Variants in USP22 observed in about 807,000 individuals in gnomAD.
USP22 encodes the protein ubiquitin specific peptidase 22.
USP22 carries 22 observed loss-of-function variants against 68.1 expected under a neutral mutation model. The observed-to-expected ratio is 0.32, with a 90% CI of 0.23 to 0.46. The LOEUF is 0.46. Among genes scored for constraint, USP22 ranks in the 20% least tolerant of loss-of-function variants. USP22 has a pLI of 1.00. For synonymous variants in USP22, 279 were observed against 274.2 expected (o/e 1.02, Z -0.17); for missense variants, 433 against 695.8 (o/e 0.62, Z 4.25).
chr17:21,019,594 T>C (rs1053895502), intron 3 of USP22, among the ~76,000 whole-genome samples: 4 of 152,216 alleles, frequency 2.6e-5, no homozygotes, highest in Admixed American at 6.5e-5. Flanking sequence ...CAAACTGAAA[T>C]AGCATAAACT....
At chr17:21,008,529 T>C (rs1384756679) in intron 8 of USP22, among the ~76,000 whole-genome samples, 1 of 152,214 alleles carries the variant, frequency 6.6e-6, no homozygotes, top group South Asian at 2.1e-4. Flanking sequence ...GGTTCCGTTA[T>C]ATCATTCAGT....
At chr17:21,024,547 C>T (rs1471631351) in intron 2 of USP22, among the ~76,000 whole-genome samples, 4 of 152,176 alleles carry the variant, frequency 2.6e-5, no homozygotes, top group Non-Finnish European at 5.9e-5. Flanking sequence ...TCGAATGGAT[C>T]AGAGACCTAA....
Position 21,020,922 on chromosome 17 carries a change from C to T in USP22, c.418+191G>A, listed in dbSNP as rs144113789. The stretch of plus-strand genomic sequence containing the variant: ...ACACGGGCAGCTATGCATGCCTCGA[C>T]ACTAGCCACCTCCCCTGTCATGCAG... On this transcript the variant is annotated intron_variant, in intron 3 of 12. Coordinates refer to ENST00000261497, the MANE Select transcript of USP22 (RefSeq NM_015276.2). Among the ~76,000 whole-genome samples, 893 of 152,286 alleles carry T rather than the reference C, an allele frequency of 5.9e-3. 10 individuals are homozygous for T. Among genetic ancestry groups the T allele is most frequent in the African/African-American group, 0.02 (831 of 41,536 alleles).
chr17:21,022,996 A>G lies in USP22; in HGVS notation c.305-1770T>C, dbSNP rs111637003. ...ATATACCATGGGATACCATGTATAC[A>G]TAAAATGAAATGAGATCATGTCGTT... On this transcript the variant is annotated intron_variant, in intron 2 of 12. Transcript: ENST00000261497. Among the ~76,000 whole-genome samples, 64 of 152,362 alleles carry G rather than the reference A, an allele frequency of 4.2e-4. 1 individual carries two copies. The highest frequency in any genetic ancestry group is 1.4e-3 in the African/African-American group (60 of 41,588).
intron 7 of USP22, among the ~76,000 whole-genome samples, chr17:21,012,223 G>A (rs942777205): frequency 7.2e-5 from 11 of 152,280 alleles, no homozygotes; most frequent in Admixed American, 4.6e-4. Context: ...ATGGGTTCAA[G>A]GCCAGCCTGG....
At chr17:21,010,389 T>A (rs1210621538) in intron 8 of USP22, among the ~76,000 whole-genome samples, 2 of 152,146 alleles carry the variant, frequency 1.3e-5, no homozygotes, top group African/African-American at 2.4e-5. Flanking sequence ...ACATTTTTTT[T>A]TAAAAATCAC....
intron 2 of USP22, among the ~76,000 whole-genome samples, chr17:21,024,969 G>C (rs1253127113): frequency 6.6e-6 from 1 of 151,982 alleles, no homozygotes; most frequent in Non-Finnish European, 1.5e-5. Context: ...ATAGTGTCTT[G>C]AAAAGAAAAA....
chr17:21,009,770 T>C (rs1209144746), intron 8 of USP22, among the ~76,000 whole-genome samples: 2 of 151,900 alleles, frequency 1.3e-5, no homozygotes, highest in African/African-American at 2.4e-5. Context: ...CCCTGGCCAA[T>C]GTGGCGAAAC....
intron 1 of USP22, among the ~76,000 whole-genome samples, chr17:21,034,166 G>A (rs1972326825): frequency 6.6e-6 from 1 of 152,030 alleles, no homozygotes; most frequent in Non-Finnish European, 1.5e-5. Context: ...TCAGCTTCCA[G>A]ACTCAGGCCC....
At chr17:21,027,451 T>C (rs1040000859) in intron 2 of USP22, among the ~76,000 whole-genome samples, 7 of 152,152 alleles carry the variant, frequency 4.6e-5, no homozygotes, top group African/African-American at 7.2e-5. Flanking sequence ...TAGGTCTTTC[T>C]AGGCTAATGT....
At chr17:21,041,503 C>G (rs1161248938) in intron 1 of USP22, among the ~76,000 whole-genome samples, 1 of 152,130 alleles carries the variant, frequency 6.6e-6, no homozygotes, top group East Asian at 1.9e-4. Flanking sequence ...GAGGCTGAGG[C>G]AGGAGAATCG....
rs1231347249 is a variant in USP22, at chr17:21,021,157, T to G, written c.374A>C (p.Glu125Ala). The G allele has an allele frequency of 6.2e-7, 1 of 1,614,196 alleles. No homozygotes were observed. The highest frequency in any genetic ancestry group is 1.7e-4 in the Middle Eastern group (1 of 6,060). ...CQDYIYDKDM[E>A]IIAKEEQRKA... ...TCGCTGCTCCTCCTTGGCGATTATT[T>G]CCATGTCTTTGTCATAGATGTAGTC... The change falls in exon 3 of 13, where the codon GAA (glutamate) becomes GCA (alanine). Residue 125 changes from glutamate (E) to alanine (A), a missense_variant. Physicochemically the swap from Glu to Ala is moderately radical, Grantham distance 107 (BLOSUM62 -1). This residue lies in a region of USP22 where 144 missense variants were observed against 237.2 expected (regional missense o/e 0.61). Coordinates refer to ENST00000261497, the MANE Select transcript of USP22 (RefSeq NM_015276.2).
At chr17:21,024,868 T>C (rs1817336216) in intron 2 of USP22, among the ~76,000 whole-genome samples, 1 of 152,088 alleles carries the variant, frequency 6.6e-6, no homozygotes, top group South Asian at 2.1e-4. Flanking sequence ...CTCAGGAGGC[T>C]GAGGTTGGGA....
intron 1 of USP22, among the ~76,000 whole-genome samples, 160 bp downstream of exon 1, chr17:21,042,505 A>G (rs1972451700): frequency 7.4e-6 from 1 of 135,874 alleles, no homozygotes; most frequent in Admixed American, 7.3e-5. Flanking sequence ...AAGGAGGGGG[A>G]AGGGGTAAAG....
At chr17:21,029,354 T>C (rs1567591859) in intron 1 of USP22, among the ~76,000 whole-genome samples, 1 of 152,232 alleles carries the variant, frequency 6.6e-6, no homozygotes, top group Non-Finnish European at 1.5e-5. Context: ...TTATTTATAC[T>C]GAGTTTTAAA....
At chr17:21,012,729 C>A in intron 7 of USP22, 101 bp downstream of exon 7, 1 of 1,092,656 alleles carries the variant, frequency 9.2e-7, no homozygotes, top group Non-Finnish European at 1.4e-6. Flanking sequence ...CTCATAGCCT[C>A]CTTAAAGACC....
At chr17:21,042,533 G>C (rs1458184961) in intron 1 of USP22, 132 bp downstream of exon 1, 2 of 861,304 alleles carry the variant, frequency 2.3e-6, no homozygotes. Flanking sequence ...AGGGCAGAAG[G>C]AGAGAGGAAG....
At chr17:21,020,221 G>A (rs1427738260) in intron 3 of USP22, among the ~76,000 whole-genome samples, 3 of 107,200 alleles carry the variant, frequency 2.8e-5, no homozygotes, top group East Asian at 3.3e-4. Context: ...CAACCACTAT[G>A]AGCATCTGTC....
At chr17:21,003,831 C>T (rs916474178) in intron 12 of USP22, among the ~76,000 whole-genome samples, 6 of 147,968 alleles carry the variant, frequency 4.1e-5, no homozygotes, top group African/African-American at 1.3e-4. Context: ...ACCTGGGAGG[C>T]AGAGGGTGCA....
Sources: gnomAD v4.1 joint callset for allele counts (sites outside exome capture counted in the v4.1 genomes callset) on GRCh38, gnomAD v4.1.1 for gene constraint, gnomAD v4.1.1 regional missense constraint, MANE v1.5 for transcripts, NCBI Gene and HGNC (gene_info 2026-07-23, HGNC 2026-07-21) for gene names.